The following RPTOR variants were observed in gnomAD, a reference collection of about 807,000 sequenced individuals.
RPTOR encodes the protein regulatory-associated protein of mTOR.
Under a neutral mutation model 169.9 loss-of-function variants are expected in RPTOR, and 21 were observed. The observed-to-expected ratio is 0.12, with a 90% CI of 0.09 to 0.18. The LOEUF is 0.18. RPTOR is among the 10% of genes least tolerant of loss of function. The probability of loss-of-function intolerance (pLI) is 1.00; values close to 1 mark genes in which losing one functional copy is unlikely to be tolerated. For synonymous variants in RPTOR, 732 were observed against 753.2 expected (o/e 0.97, Z 0.46); for missense variants, 1,133 against 1,855.9 (o/e 0.61, Z 7.16).
chr17:80,825,301 C>T (rs114445964), intron 9 of RPTOR, among the ~76,000 whole-genome samples: 7,897 of 130,392 alleles, frequency 0.061, 404 homozygotes, highest in South Asian at 0.072. Flanking sequence ...CCAGAGGCCG[C>T]GTGGCGAGTT....
At chr17:80,734,097 A>G (rs961903264) in intron 5 of RPTOR, among the ~76,000 whole-genome samples, 7 of 152,244 alleles carry the variant, frequency 4.6e-5, no homozygotes, top group African/African-American at 1.7e-4. Context: ...GACCACATAA[A>G]TATTGCTCGC....
At chr17:80,885,444 C>T (rs549597997) in intron 17 of RPTOR, among the ~76,000 whole-genome samples, 7 of 152,246 alleles carry the variant, frequency 4.6e-5, no homozygotes, top group East Asian at 1.9e-4. Flanking sequence ...TCCAAAGAGA[C>T]GCAGCCACCC....
At chr17:80,704,159 C>T (rs1359229990) in intron 3 of RPTOR, among the ~76,000 whole-genome samples, 1 of 152,210 alleles carries the variant, frequency 6.6e-6, no homozygotes, top group Non-Finnish European at 1.5e-5. Flanking sequence ...GACGGAATGT[C>T]TAGCTACCTC....
rs1449285349 is a variant in RPTOR, at chr17:80,845,098, T to C, written c.1213-1375T>C. On this transcript the variant is annotated intron_variant, in intron 10 of 33. Coordinates refer to ENST00000306801, the MANE Select transcript of RPTOR (RefSeq NM_020761.3). This position sits in a 1 kb window ranked among gnomAD's most constrained non-coding sequence, Gnocchi z 5.4. ...GACTGCTCCTGCCTGGCCGCTCAGT[T>C]CCGAGACCTTCCAACGGCAGCCTCC... is the stretch of plus-strand genomic sequence containing the variant. Among the ~76,000 whole-genome samples, 1 of 151,866 alleles carries C rather than the reference T, an allele frequency of 6.6e-6. No homozygotes were observed. Among genetic ancestry groups the C allele is most frequent in the African/African-American group, 2.4e-5 (1 of 41,312 alleles).
chr17:80,945,009 G>T (rs190244922), intron 25 of RPTOR, among the ~76,000 whole-genome samples: 13 of 140,626 alleles, frequency 9.2e-5, no homozygotes, highest in Non-Finnish European at 2.0e-4. Context: ...AAAAAAAAAA[G>T]ACTGGCTACT....
chr17:80,568,067 C>T (rs949987152), intron 1 of RPTOR, among the ~76,000 whole-genome samples: 1 of 151,774 alleles, frequency 6.6e-6, no homozygotes, highest in African/African-American at 2.4e-5. Flanking sequence ...CTACTATGCC[C>T]AGCTAATTTT....
chr17:80,964,484 G>T lies in RPTOR; in HGVS notation c.*154G>T, dbSNP rs949412599. The T allele has an allele frequency of 1.1e-5, 8 of 705,512 alleles. No individual in the cohort carries two copies. The highest frequency in any genetic ancestry group is 8.1e-5 in the East Asian group (3 of 37,144). 43.7% of individuals were successfully genotyped at this position (705,512 alleles called of 1,614,324 possible). ...TGACGGCAGGAGGGCCCTGCTACTC[G>T]CTTTTGTCTGTCTTCGCTGTCGTGT... On this transcript the variant is annotated 3_prime_UTR_variant, in exon 34 of 34. Coordinates refer to ENST00000306801, the MANE Select transcript of RPTOR (RefSeq NM_020761.3).
chr17:80,950,468 G>A (rs1406826155), intron 28 of RPTOR, among the ~76,000 whole-genome samples: 1 of 152,066 alleles, frequency 6.6e-6, no homozygotes, highest in Non-Finnish European at 1.5e-5. Context: ...CGTCATGGGG[G>A]CAGCTCCAGG....
intron 7 of RPTOR, among the ~76,000 whole-genome samples, chr17:80,798,168 T>C (rs1322421420): frequency 6.6e-6 from 1 of 152,010 alleles, no homozygotes; most frequent in African/African-American, 2.4e-5. Flanking sequence ...GGCAAGGGAG[T>C]CACCTCTCTG....
In RPTOR at chr17:80,945,719, C is replaced by T. The variant is rs758390013; in HGVS notation, c.3078C>T (p.Pro1026=). Residue 1026 remains proline (P), a synonymous_variant, in exon 26 of 34, where the codon CCC becomes CCT. Transcript: ENST00000306801. ...TTCTGAACAGGAACCCCGGCGTCCC[C>T]TCTGTGGTGAAATTCCACCCCTTCA... ...QIFLNRNPGV[P]SVVKFHPFTP... is the part of the protein sequence containing the mutation. 2 of 1,612,126 alleles carry T rather than the reference C, an allele frequency of 1.2e-6. No homozygotes were observed. The highest frequency in any genetic ancestry group is 1.7e-6 in the Non-Finnish European group (2 of 1,179,380).
At chr17:80,694,758 C>T (rs533670505) in intron 3 of RPTOR, among the ~76,000 whole-genome samples, 21 of 152,320 alleles carry the variant, frequency 1.4e-4, no homozygotes, top group African/African-American at 4.6e-4. Flanking sequence ...ATCAGGTTGT[C>T]GTGAGCTCCT....
intron 1 of RPTOR, among the ~76,000 whole-genome samples, chr17:80,571,877 T>C (rs1245243551): frequency 6.6e-6 from 1 of 152,194 alleles, no homozygotes; most frequent in African/African-American, 2.4e-5. Flanking sequence ...TGTACTTGCG[T>C]TTTCGTGTGT....
In RPTOR at chr17:80,838,004, C is replaced by G. The variant is rs776577395; in HGVS notation, c.1212+7C>G. The G allele has an allele frequency of 1.2e-6, 2 of 1,605,246 alleles. No individual in the cohort carries two copies. The highest frequency in any genetic ancestry group is 2.7e-5 in the African/African-American group (2 of 74,796). Reference sequence around the variant, plus strand: ...GGAAGGCACTGCGTTTCGGGTGAGTCCCTCCAAGGGCACCCTGTGCATCCG... The same window carrying G: ...GGAAGGCACTGCGTTTCGGGTGAGTGCCTCCAAGGGCACCCTGTGCATCCG... On this transcript the variant is annotated splice_region_variant and intron_variant, in intron 10 of 33. Coordinates refer to ENST00000306801, the MANE Select transcript of RPTOR (RefSeq NM_020761.3).
rs1011607241 is a variant in RPTOR at position 80,878,856 on chromosome 17, C to T, written c.1510-1559C>T. ...CTTGCAGAAGTGTCCCCAAGTTAGG[C>T]AGCCTGGTGTGGCTTCCGGTAACAC... On this transcript the variant is annotated intron_variant, in intron 13 of 33. Coordinates refer to ENST00000306801, the MANE Select transcript of RPTOR (RefSeq NM_020761.3). The surrounding 1 kb of genome is among the most constrained non-coding windows in gnomAD (Gnocchi z 4.1). Among the ~76,000 whole-genome samples, 1 of 152,190 alleles carries T rather than the reference C, an allele frequency of 6.6e-6. No individual in the cohort carries two copies. The highest frequency in any genetic ancestry group is 1.5e-5 in the Non-Finnish European group (1 of 68,032).
At chr17:80,846,419 C>A in intron 10 of RPTOR, 54 bp from the exon 11 acceptor site, 1 of 1,557,376 alleles carries the variant, frequency 6.4e-7, no homozygotes, top group Non-Finnish European at 8.8e-7. Context: ...GTGGGCAAGA[C>A]CAGGCCATCT....
Position 80,837,947 on chromosome 17 carries a change from A to T in RPTOR, c.1162A>T (p.Ile388Phe). The T allele has an allele frequency of 3.7e-6, 6 of 1,612,164 alleles. No individual in the cohort carries two copies. The highest frequency in any genetic ancestry group is 5.1e-6 in the Non-Finnish European group (6 of 1,179,186). Residue 388 changes from isoleucine (I) to phenylalanine (F), a missense_variant, in exon 10 of 34, where the codon ATC becomes TTC. By Grantham distance (21) the Ile-to-Phe change is conservative (BLOSUM62 0). Transcript: ENST00000306801. Reference protein sequence around the residue: ...MWQAWDLAVDICLSQLPTIIE... With the variant: ...MWQAWDLAVDFCLSQLPTIIE... ...GCAAGCCTGGGACCTGGCTGTTGAC[A>T]TCTGTCTGTCTCAGCTGCCGACGAT...
At chr17:80,677,646 G>A (rs1210082702) in intron 3 of RPTOR, among the ~76,000 whole-genome samples, 1 of 152,124 alleles carries the variant, frequency 6.6e-6, no homozygotes, top group African/African-American at 2.4e-5. Context: ...GGCGTTTGCT[G>A]GGCAGTTTTC....
Position 80,730,960 on chromosome 17 carries a change from G to A in RPTOR, c.654+254G>A, listed in dbSNP as rs141217656. 1.5e-4 allele frequency among the ~76,000 whole-genome samples: 23 copies of A among 152,266 alleles called. No homozygotes were observed. The highest frequency in any genetic ancestry group is 2.6e-4 in the Non-Finnish European group (18 of 68,014). ...GCCGTCTCCAGTCACTGCAATGTCT[G>A]TCACCTGAGCCCAAGCAATCTTCCC... On this transcript the variant is annotated intron_variant, in intron 5 of 33. Coordinates refer to ENST00000306801, the MANE Select transcript of RPTOR (RefSeq NM_020761.3). The surrounding 1 kb of genome is among the most constrained non-coding windows in gnomAD (Gnocchi z 4.2).
At chr17:80,703,293 G>A (rs1270244745) in intron 3 of RPTOR, among the ~76,000 whole-genome samples, 1 of 152,128 alleles carries the variant, frequency 6.6e-6, no homozygotes, top group Non-Finnish European at 1.5e-5. Flanking sequence ...TTTCTCACCT[G>A]TATCTGCAGC....
Sources: allele counts gnomAD v4.1 joint callset (sites outside exome capture counted in the v4.1 genomes callset), GRCh38; gene constraint gnomAD v4.1.1; non-coding constraint Gnocchi (gnomAD v3.1); transcripts MANE v1.5; gene names NCBI Gene and HGNC (gene_info 2026-07-23, HGNC 2026-07-21).